The following NKAIN2 variants were observed in gnomAD, a reference collection of about 807,000 sequenced individuals.
NKAIN2 encodes the protein sodium/potassium-transporting ATPase subunit beta-1-interacting protein 2.
NKAIN2 carries 14 observed loss-of-function variants against 32.6 expected under a neutral mutation model. That is an observed-to-expected ratio of 0.43 (90% confidence interval 0.28 to 0.67). The LOEUF (loss-of-function observed/expected upper bound fraction) is 0.67, where lower values mean the gene tolerates loss of function less well. Among genes scored for constraint, NKAIN2 ranks in the 30% least tolerant of loss-of-function variants. The probability of loss-of-function intolerance (pLI) is 0.17; values close to 1 mark genes in which losing one functional copy is unlikely to be tolerated. For synonymous variants in NKAIN2, 80 were observed against 87.2 expected, an observed-to-expected ratio of 0.92 and a Z score of 0.46; for missense variants, 198 against 258.3, an observed-to-expected ratio of 0.77 and a Z score of 1.60.
chr6:123,923,246 G>T (rs1274155640), intron 1 of NKAIN2, among the ~76,000 whole-genome samples: 1 of 152,048 alleles, frequency 6.6e-6, no homozygotes, highest in Non-Finnish European at 1.5e-5. Flanking sequence ...CACTTATTTT[G>T]CTTGTGAATG....
intron 3 of NKAIN2, among the ~76,000 whole-genome samples, chr6:124,375,353 A>G (rs1799941641): frequency 1.3e-5 from 2 of 149,306 alleles, no homozygotes; most frequent in Admixed American, 1.3e-4. Flanking sequence ...TATACGTATC[A>G]AGAACAATGC....
At chr6:124,026,530 T>G (rs1369880926) in intron 1 of NKAIN2, among the ~76,000 whole-genome samples, 1 of 152,206 alleles carries the variant, frequency 6.6e-6, no homozygotes, top group African/African-American at 2.4e-5. Context: ...CGTAGCCATG[T>G]GAAGCAAGCC....
chr6:124,326,695 T>C (rs1797431189), intron 2 of NKAIN2, among the ~76,000 whole-genome samples: 1 of 152,172 alleles, frequency 6.6e-6, no homozygotes, highest in South Asian at 2.1e-4. Context: ...TTCTAGATAG[T>C]TCTGAGATCC....
intron 3 of NKAIN2, among the ~76,000 whole-genome samples, chr6:124,465,309 C>T (rs765814650): frequency 1.3e-5 from 2 of 152,036 alleles, no homozygotes; most frequent in East Asian, 1.9e-4. Context: ...GCCATAAAAA[C>T]GGATGAATTC....
intron 2 of NKAIN2, among the ~76,000 whole-genome samples, chr6:124,293,188 A>G (rs963794975): frequency 1.2e-4 from 19 of 152,180 alleles, no homozygotes; most frequent in Non-Finnish European, 2.4e-4. Context: ...ATTTTATTAC[A>G]TATCTTTGAA....
At chr6:123,875,229 T>G (rs532068821) in intron 1 of NKAIN2, among the ~76,000 whole-genome samples, 1 of 152,174 alleles carries the variant, frequency 6.6e-6, no homozygotes, top group South Asian at 2.1e-4. Flanking sequence ...CACTGTTTCC[T>G]TAGCATAAAT....
chr6:124,339,439 G>A (rs1033277734), intron 2 of NKAIN2, among the ~76,000 whole-genome samples: 3 of 152,174 alleles, frequency 2.0e-5, no homozygotes, highest in Admixed American at 1.3e-4. Context: ...AAATCAGAGA[G>A]ACTTCAGAGT....
intron 1 of NKAIN2, among the ~76,000 whole-genome samples, chr6:124,218,144 C>A (rs1031448078): frequency 6.7e-6 from 1 of 150,134 alleles, no homozygotes; most frequent in African/African-American, 2.5e-5. Context: ...TCTAAAAATA[C>A]CTCATTCAAT....
intron 1 of NKAIN2, among the ~76,000 whole-genome samples, chr6:124,031,188 C>G (rs9491050): frequency 0.054 from 8,143 of 152,038 alleles, 719 homozygotes; most frequent in African/African-American, 0.18. Context: ...TGTAACAAGA[C>G]GTGGCCAGCA....
chr6:124,547,276 G>GT (rs915860734), intron 3 of NKAIN2, among the ~76,000 whole-genome samples: 29 of 148,314 alleles, frequency 2.0e-4, no homozygotes, highest in East Asian at 5.9e-4. Flanking sequence ...ATATCACCAG[G>GT]TTTTTTTTTT....
At chr6:123,816,343 T>C (rs1388424250) in intron 1 of NKAIN2, among the ~76,000 whole-genome samples, 1 of 152,080 alleles carries the variant, frequency 6.6e-6, no homozygotes, top group African/African-American at 2.4e-5. Context: ...CATCAAGGCG[T>C]ATGTCCCAGT....
chr6:124,178,844 AAG>A lies in NKAIN2; in HGVS notation c.55-104157_55-104156del, dbSNP rs1201289016. ...TCTGAGCACAATGTGCTCAAAAAAG[AAG>A]AGACTCAACTCTGATTAGAATAGAA... On this transcript the variant is annotated intron_variant, in intron 1 of 6. Coordinates refer to ENST00000368417, the MANE Select transcript of NKAIN2 (RefSeq NM_001040214.3). Among the ~76,000 whole-genome samples, 9 of 152,312 alleles carry A rather than the reference AAG, an allele frequency of 5.9e-5. No homozygotes were observed. In the East Asian group the frequency reaches 1.7e-3, roughly 29 times the overall value.
At chr6:124,298,471 A>C (rs1309949535) in intron 2 of NKAIN2, among the ~76,000 whole-genome samples, 2 of 152,138 alleles carry the variant, frequency 1.3e-5, no homozygotes, top group Non-Finnish European at 2.9e-5. Context: ...GATAAATATC[A>C]TGTGTGGTGA....
intron 3 of NKAIN2, among the ~76,000 whole-genome samples, chr6:124,491,094 T>A (rs906768088): frequency 6.6e-6 from 1 of 152,016 alleles, no homozygotes; most frequent in Non-Finnish European, 1.5e-5. Context: ...AAAATAGATA[T>A]CATTTTTAAG....
intron 1 of NKAIN2, among the ~76,000 whole-genome samples, chr6:124,239,992 C>A (rs1792994914): frequency 6.6e-6 from 1 of 151,930 alleles, no homozygotes; most frequent in Non-Finnish European, 1.5e-5. Context: ...ATAGATAGAC[C>A]ACTAGCCAGA....
intron 1 of NKAIN2, among the ~76,000 whole-genome samples, chr6:124,198,869 T>C (rs1288694165): frequency 1.3e-5 from 2 of 152,188 alleles, no homozygotes; most frequent in South Asian, 2.1e-4. Flanking sequence ...ATTATGACTA[T>C]AACTTTCCAG....
At chr6:124,150,522 A>G (rs1446023947) in intron 1 of NKAIN2, among the ~76,000 whole-genome samples, 1 of 152,132 alleles carries the variant, frequency 6.6e-6, no homozygotes, top group Non-Finnish European at 1.5e-5. Flanking sequence ...CTATTCATTA[A>G]TCTGTCTAAA....
intron 1 of NKAIN2, among the ~76,000 whole-genome samples, chr6:124,001,135 T>A (rs1275310424): frequency 6.6e-6 from 1 of 152,110 alleles, no homozygotes; most frequent in Non-Finnish European, 1.5e-5. Context: ...CCAATGGTGC[T>A]GAGAAACTGA....
At chr6:124,158,828 C>G (rs1220963156) in intron 1 of NKAIN2, among the ~76,000 whole-genome samples, 1 of 152,020 alleles carries the variant, frequency 6.6e-6, no homozygotes, top group African/African-American at 2.4e-5. Flanking sequence ...CCATCAGATA[C>G]AATTGTAGGA....
Sources: gnomAD v4.1 joint callset for allele counts (sites outside exome capture counted in the v4.1 genomes callset) on GRCh38, gnomAD v4.1.1 for gene constraint, MANE v1.5 for transcripts, NCBI Gene and HGNC (gene_info 2026-07-23, HGNC 2026-07-21) for gene names.